Variants in KCTD16 observed in about 807,000 individuals in gnomAD.
KCTD16 encodes potassium channel tetramerization domain containing 16.
Under a neutral mutation model 33.2 loss-of-function variants are expected in KCTD16, and 13 were observed. That is an observed-to-expected ratio of 0.39 (90% CI 0.25 to 0.62). KCTD16 has a LOEUF of 0.62. KCTD16 is among the 20% of genes least tolerant of loss of function. KCTD16 has a pLI of 0.50. For missense variants in KCTD16, 441 were observed against 525.1 expected (o/e 0.84, Z 1.57); for synonymous variants, 197 against 195.3 (o/e 1.01, Z -0.07).
At chr5:144,444,143 C>T (rs1416494572) in intron 3 of KCTD16, among the ~76,000 whole-genome samples, 1 of 151,956 alleles carries the variant, frequency 6.6e-6, no homozygotes, top group Non-Finnish European at 1.5e-5. Context: ...GGATTGCCAT[C>T]GTTTCATGTT....
Position 144,207,268 on chromosome 5 carries a change from A to C in KCTD16, c.554A>C (p.Lys185Thr). Residue 185 changes from lysine to threonine, a missense_variant, in exon 3 of 4, where the codon AAG becomes ACG. Transcript: ENST00000512467. Reference sequence around the variant, plus strand: ...GGCAGAGAGGGACAGGCAGATGCCAAGTTTCGGAGAGTTCCCCGGATTTTG... The same window carrying C: ...GGCAGAGAGGGACAGGCAGATGCCACGTTTCGGAGAGTTCCCCGGATTTTG... ...TLGREGQADA[K>T]FRRVPRILVC... The C allele has an allele frequency of 6.2e-7, 1 of 1,614,222 alleles. No individual in the cohort carries two copies. Among genetic ancestry groups the C allele is most frequent in the Non-Finnish European group, 8.5e-7 (1 of 1,180,044 alleles).
intron 3 of KCTD16, among the ~76,000 whole-genome samples, chr5:144,462,108 T>C (rs1168613879): frequency 6.6e-6 from 1 of 152,196 alleles, no homozygotes; most frequent in Non-Finnish European, 1.5e-5. Context: ...TTTACCTTTT[T>C]TTCCTTTATC....
chr5:144,200,062 T>G (rs1213716983), intron 2 of KCTD16, among the ~76,000 whole-genome samples: 1 of 152,146 alleles, frequency 6.6e-6, no homozygotes, highest in East Asian at 1.9e-4. Flanking sequence ...CACACTCACA[T>G]ACATGCACAC....
At chr5:144,242,912 A>C (rs552529900) in intron 3 of KCTD16, among the ~76,000 whole-genome samples, 41 of 152,198 alleles carry the variant, frequency 2.7e-4, no homozygotes, top group Non-Finnish European at 4.4e-4. Context: ...TGGGGATCAA[A>C]CGTGAGGTTT....
intron 3 of KCTD16, among the ~76,000 whole-genome samples, chr5:144,367,347 T>C (rs1007433776): frequency 6.6e-6 from 1 of 152,090 alleles, no homozygotes; most frequent in South Asian, 2.1e-4. Flanking sequence ...TGGCATGGAT[T>C]TCGGAGGCTT....
intron 3 of KCTD16, among the ~76,000 whole-genome samples, chr5:144,409,938 A>G (rs13362184): frequency 6.6e-6 from 1 of 152,212 alleles, no homozygotes; most frequent in Non-Finnish European, 1.5e-5. Context: ...TAATGCGAAT[A>G]TGAGATGCCA....
intron 3 of KCTD16, among the ~76,000 whole-genome samples, chr5:144,227,826 C>T (rs1480993509): frequency 3.3e-5 from 5 of 152,066 alleles, no homozygotes; most frequent in Non-Finnish European, 5.9e-5. Flanking sequence ...ATGCTGATGG[C>T]ATGGGTGTGT....
chr5:144,428,109 C>T (rs1753375494), intron 3 of KCTD16, among the ~76,000 whole-genome samples: 1 of 152,132 alleles, frequency 6.6e-6, no homozygotes, highest in South Asian at 2.1e-4. Context: ...TTGTTACACC[C>T]CATAGAAGGA....
intron 3 of KCTD16, among the ~76,000 whole-genome samples, chr5:144,238,668 C>T (rs76188536): frequency 6.6e-6 from 1 of 152,068 alleles, no homozygotes; most frequent in African/African-American, 2.4e-5. Flanking sequence ...GTATTAATCT[C>T]TTTCACAGCT....
chr5:144,199,272 T>C (rs964376596), intron 2 of KCTD16, among the ~76,000 whole-genome samples: 5 of 152,218 alleles, frequency 3.3e-5, no homozygotes, highest in African/African-American at 1.2e-4. Context: ...TGATAATTAC[T>C]GGCTTGCAGT....
At chr5:144,419,077 T>G (rs2126960567) in intron 3 of KCTD16, among the ~76,000 whole-genome samples, 1 of 152,286 alleles carries the variant, frequency 6.6e-6, no homozygotes, top group East Asian at 1.9e-4. Context: ...TAAAATACAG[T>G]CAGATCAAAA....
intron 3 of KCTD16, among the ~76,000 whole-genome samples, chr5:144,265,051 A>G (rs150225840): frequency 1.3e-5 from 2 of 152,292 alleles, no homozygotes; most frequent in Admixed American, 6.5e-5. Flanking sequence ...TTAACTCTCT[A>G]CTATAGAAGA....
chr5:144,308,691 C>A (rs958360832), intron 3 of KCTD16, among the ~76,000 whole-genome samples: 1 of 146,748 alleles, frequency 6.8e-6, no homozygotes, highest in African/African-American at 2.5e-5. Context: ...CTGAGGCCCA[C>A]TAAACTTAAT....
intron 3 of KCTD16, among the ~76,000 whole-genome samples, chr5:144,360,902 T>TTTA (rs921915317): frequency 9.2e-5 from 14 of 151,714 alleles, no homozygotes; most frequent in African/African-American, 2.2e-4. Flanking sequence ...TTTGGAAGTT[T>TTTA]TTATTATTAT....
chr5:144,454,298 A>G, intron 3 of KCTD16, among the ~76,000 whole-genome samples: 1 of 152,226 alleles, frequency 6.6e-6, no homozygotes, highest in East Asian at 1.9e-4. Context: ...GAGCATTCAT[A>G]GAACCAGAAA....
intron 3 of KCTD16, among the ~76,000 whole-genome samples, chr5:144,288,173 C>A (rs1033704528): frequency 6.6e-6 from 1 of 152,136 alleles, no homozygotes; most frequent in Non-Finnish European, 1.5e-5. Context: ...TTGGATCAGA[C>A]CTTTACAAAT....
At chr5:144,413,871 G>C (rs776108698) in intron 3 of KCTD16, among the ~76,000 whole-genome samples, 25 of 152,152 alleles carry the variant, frequency 1.6e-4, no homozygotes, top group Non-Finnish European at 3.4e-4. Context: ...AGAATCTGGA[G>C]AACCAGGTTC....
chr5:144,276,863 A>T (rs952492177), intron 3 of KCTD16, among the ~76,000 whole-genome samples: 1 of 151,978 alleles, frequency 6.6e-6, no homozygotes, highest in Non-Finnish European at 1.5e-5. Flanking sequence ...AGATCAAGCC[A>T]CTGCACTCCA....
intron 3 of KCTD16, among the ~76,000 whole-genome samples, chr5:144,310,431 A>G (rs924299244): frequency 1.3e-5 from 2 of 151,766 alleles, no homozygotes; most frequent in Non-Finnish European, 2.9e-5. Flanking sequence ...TAGGATTGCC[A>G]GATTGTATGG....
Sources: gnomAD v4.1 joint callset for allele counts (sites outside exome capture counted in the v4.1 genomes callset) on GRCh38, gnomAD v4.1.1 for gene constraint, MANE v1.5 for transcripts, NCBI Gene and HGNC (gene_info 2026-07-23, HGNC 2026-07-21) for gene names.